CCDC62: variants seen among roughly 807,000 people sequenced by gnomAD.
The protein encoded by CCDC62 is coiled-coil domain containing 62, also known as coiled-coil domain-containing protein 62.
A neutral mutation model predicts 80.8 loss-of-function variants in CCDC62; 72 were observed. That is an observed-to-expected ratio of 0.89 (90% CI 0.74 to 1.08). The LOEUF (loss-of-function observed/expected upper bound fraction) is 1.08. Among genes scored for constraint, CCDC62 ranks in the 50% least tolerant of loss-of-function variants. The pLI is 0.00. For synonymous variants in CCDC62, 286 were observed against 296.5 expected (o/e 0.96, Z 0.36); for missense variants, 704 against 809.4 (o/e 0.87, Z 1.58).
At chr12:122,796,513 T>G (rs1268807286) in intron 6 of CCDC62, among the ~76,000 whole-genome samples, 1 of 152,180 alleles carries the variant, frequency 6.6e-6, no homozygotes, top group Non-Finnish European at 1.5e-5. Flanking sequence ...GCATGTAGAA[T>G]TGAGACCCAC....
At chr12:122,775,706 G>A (rs556988434) in intron 1 of CCDC62, among the ~76,000 whole-genome samples, 6 of 152,268 alleles carry the variant, frequency 3.9e-5, no homozygotes, top group South Asian at 2.1e-4. Flanking sequence ...TCTGCTTCCC[G>A]AGTTCAAGCA....
At position 122,812,773 on chromosome 12, in the gene CCDC62, GAGAGAGAAAGAAAGAAAGAAAGAA is replaced by G. The variant is rs1183724610; in HGVS notation, c.1852-493_1852-470del. On this transcript the variant is annotated intron_variant, in intron 10 of 12. Coordinates refer to ENST00000253079, the MANE Select transcript of CCDC62 (RefSeq NM_201435.5). ...AGAGGGAGGGAGAGAGAGAGAGAGA[GAGAGAGAAAGAAAGAAAGAAAGAA>G]AGAAAGAAAGAAAGAAAGAAAGAAA... 1.6e-3 allele frequency among the ~76,000 whole-genome samples: 107 copies of G among 68,898 alleles called. 1 individual carries two copies. Among genetic ancestry groups the G allele is most frequent in the Admixed American group, 4.9e-3 (27 of 5,476 alleles). The allele number at this position is 68,898 out of a possible 152,430, so 45.2% of individuals were successfully genotyped here. A position where few individuals can be genotyped will look rare whatever the true frequency, so the allele number is the denominator to read the frequency against.
Position 122,813,436 on chromosome 12 carries a change from C to A in CCDC62, c.2001+17C>A, listed in dbSNP as rs1395021188. ...GCCACAAATGTATGCGTTTCATTTT[C>A]TCTTGACTATATTTGTCACATCCAA... On this transcript the variant is annotated intron_variant, in intron 11 of 12. Coordinates refer to ENST00000253079, the MANE Select transcript of CCDC62 (RefSeq NM_201435.5). The A allele has an allele frequency of 1.9e-6, 3 of 1,605,914 alleles. No homozygotes were observed. Among genetic ancestry groups the A allele is most frequent in the African/African-American group, 1.3e-5 (1 of 74,682 alleles).
At chr12:122,809,997 A>G (rs1184422174) in intron 10 of CCDC62, among the ~76,000 whole-genome samples, 3 of 152,214 alleles carry the variant, frequency 2.0e-5, no homozygotes, top group African/African-American at 7.2e-5. Flanking sequence ...TCCCTTCCTT[A>G]CACCTTATAT....
chr12:122,784,837 T>TAAAACA (rs1014323917), intron 3 of CCDC62, among the ~76,000 whole-genome samples: 2 of 142,100 alleles, frequency 1.4e-5, no homozygotes, highest in Non-Finnish European at 3.1e-5. Context: ...CCTATCTCTT[T>TAAAACA]AAAACAAAAA....
chr12:122,814,038 T>A (rs965526126), intron 11 of CCDC62, among the ~76,000 whole-genome samples: 8 of 151,422 alleles, frequency 5.3e-5, no homozygotes, highest in Admixed American at 5.3e-4. Flanking sequence ...TCCCAGCACT[T>A]TGGGAGGCCG....
chr12:122,794,400 G>T (rs1438445132), intron 6 of CCDC62, among the ~76,000 whole-genome samples: 1 of 151,936 alleles, frequency 6.6e-6, no homozygotes, highest in East Asian at 1.9e-4. Context: ...CCACTATGTT[G>T]CCCAGTCTGG....
chr12:122,821,516 C>T (rs963078186), intron 11 of CCDC62, among the ~76,000 whole-genome samples: 1 of 152,204 alleles, frequency 6.6e-6, no homozygotes. Flanking sequence ...GTGGCACGAT[C>T]ATGGCTCACT....
At chr12:122,825,618 A>C (rs1408148043) in intron 12 of CCDC62, among the ~76,000 whole-genome samples, 1 of 147,472 alleles carries the variant, frequency 6.8e-6, no homozygotes, top group Non-Finnish European at 1.5e-5. Flanking sequence ...GGCCTCCCAA[A>C]GTGCTGGGAT....
intron 10 of CCDC62, among the ~76,000 whole-genome samples, chr12:122,809,717 C>T (rs1264379310): frequency 6.6e-6 from 1 of 152,182 alleles, no homozygotes; most frequent in East Asian, 1.9e-4. Flanking sequence ...TCAAGTCAAT[C>T]CTAAGCCAAA....
intron 10 of CCDC62, among the ~76,000 whole-genome samples, chr12:122,807,647 G>T (rs2031681367): frequency 6.6e-6 from 1 of 151,886 alleles, no homozygotes; most frequent in African/African-American, 2.4e-5. Context: ...ACTGTACCTG[G>T]CCAGACATTT....
intron 8 of CCDC62, among the ~76,000 whole-genome samples, chr12:122,800,490 C>T (rs113265587): frequency 0.023 from 3,469 of 150,764 alleles, 96 homozygotes; most frequent in African/African-American, 0.062. Context: ...GCCAATGGCG[C>T]GATCTCAGCT....
Position 122,788,776 on chromosome 12 carries a change from G to A in CCDC62, c.517G>A (p.Ala173Thr), listed in dbSNP as rs1448380689. Residue 173 changes from alanine to threonine, a missense_variant, in exon 5 of 13, where the codon GCA becomes ACA. By Grantham distance (58) the Ala-to-Thr change is moderately conservative. Transcript: ENST00000253079. ...IKLKDKDIIE[A>T]VNHIADCSGK... is the part of the protein sequence containing the mutation. ...TTTTTAGGACAAAGATATTATTGAGGCAGTTAATCACATTGCAGATTGTTC... is the reference window on the plus strand; with the variant it reads ...TTTTTAGGACAAAGATATTATTGAGACAGTTAATCACATTGCAGATTGTTC... The A allele has an allele frequency of 1.3e-6, 2 of 1,566,140 alleles. No homozygotes were observed. Among genetic ancestry groups the A allele is most frequent in the Non-Finnish European group, 1.7e-6 (2 of 1,162,930 alleles).
At chr12:122,825,342 A>ATTTTT (rs749990077) in intron 12 of CCDC62, among the ~76,000 whole-genome samples, 1 of 89,788 alleles carries the variant, frequency 1.1e-5, no homozygotes, top group Non-Finnish European at 2.1e-5. Flanking sequence ...CACCTGGCTA[A>ATTTTT]TTTTTTTTTT....
intron 2 of CCDC62, among the ~76,000 whole-genome samples, chr12:122,780,934 C>T (rs570227180): frequency 6.8e-4 from 103 of 152,234 alleles, no homozygotes; most frequent in Admixed American, 4.6e-4. Flanking sequence ...GTTGGGAACG[C>T]GGAAACTGGA....
intron 11 of CCDC62, among the ~76,000 whole-genome samples, chr12:122,821,840 T>C (rs2032413748): frequency 6.6e-6 from 1 of 152,142 alleles, no homozygotes; most frequent in Non-Finnish European, 1.5e-5. Flanking sequence ...GTAGAATGAC[T>C]AAACCAGCTG....
chr12:122,808,412 CA>C (rs1480361774), intron 10 of CCDC62, among the ~76,000 whole-genome samples: 1 of 152,152 alleles, frequency 6.6e-6, no homozygotes, highest in African/African-American at 2.4e-5. Flanking sequence ...CTAGATAATA[CA>C]AATAAAGCTG....
In CCDC62 at chr12:122,801,110, TA is replaced by T; in HGVS notation, c.978-12del. 6.3e-7 allele frequency: 1 copy of T among 1,586,378 alleles called. No individual in the cohort carries two copies. Among genetic ancestry groups the T allele is most frequent in the Non-Finnish European group, 8.5e-7 (1 of 1,170,586 alleles). ...TATCTTATAACCTCCATTTTTTTTCTAATGCCACCATAGCAGAGACATGTGT... is the reference window on the plus strand; with the variant it reads ...TATCTTATAACCTCCATTTTTTTTCTATGCCACCATAGCAGAGACATGTGT... On this transcript the variant is annotated splice_polypyrimidine_tract_variant and intron_variant, in intron 8 of 12. Coordinates refer to ENST00000253079, the MANE Select transcript of CCDC62 (RefSeq NM_201435.5).
rs548956040 is a variant in CCDC62 at position 122,804,073 on chromosome 12, G to A, written c.1707-2078G>A. On this transcript the variant is annotated intron_variant, in intron 9 of 12. Coordinates refer to ENST00000253079, the MANE Select transcript of CCDC62 (RefSeq NM_201435.5). ...CTTTTTCCATAGATTATAAGAACTT[G>A]CGTACCTACTTTATTATCTAACTAA... Among the ~76,000 whole-genome samples the A allele has an allele frequency of 1.8e-3, 275 of 152,274 alleles. 4 individuals carry two copies. In the Middle Eastern group the frequency reaches 0.024, roughly 13 times the overall value.
Sources: gnomAD v4.1 joint callset for allele counts (sites outside exome capture counted in the v4.1 genomes callset) on GRCh38, gnomAD v4.1.1 for gene constraint, MANE v1.5 for transcripts, NCBI Gene and HGNC (gene_info 2026-07-23, HGNC 2026-07-21) for gene names.